The following MTMR1 variants were observed in gnomAD, a reference collection of about 807,000 sequenced individuals.
MTMR1 encodes the protein phosphatidylinositol-3-phosphate phosphatase MTMR1.
Under a neutral mutation model 51.6 loss-of-function variants are expected in MTMR1, and 17 were observed. The ratio of observed to expected loss-of-function variants is 0.33; its 90% CI spans 0.23 to 0.49. MTMR1 has a LOEUF of 0.49. Among genes scored for constraint, MTMR1 ranks in the 20% least tolerant of loss-of-function variants. The probability of loss-of-function intolerance (pLI) is 0.99; values close to 1 mark genes in which losing one functional copy is unlikely to be tolerated. For synonymous variants in MTMR1, 201 were observed against 205.6 expected (o/e 0.98, Z 0.19); for missense variants, 386 against 526.9 (o/e 0.73, Z 2.62).
chrX:150,720,393 T>C (rs2041707261), intron 4 of MTMR1, among the ~76,000 whole-genome samples: 1 of 112,546 alleles, frequency 8.9e-6, no homozygotes, highest in African/African-American at 3.2e-5. Context: ...GAGTATGTTC[T>C]TTTTTTGTCT....
At chrX:150,696,873 A>G (rs943002809) in intron 1 of MTMR1, among the ~76,000 whole-genome samples, 1 of 111,517 alleles carries the variant, frequency 9.0e-6, no homozygotes, top group South Asian at 3.8e-4. Context: ...GTCCTAGGTA[A>G]CTCACCTACA....
At chrX:150,700,938 A>C (rs782450459) in intron 2 of MTMR1, among the ~76,000 whole-genome samples, 2 of 112,585 alleles carry the variant, frequency 1.8e-5, no homozygotes, top group Non-Finnish European at 3.8e-5. Flanking sequence ...AAGTTTTTTC[A>C]ATCTCAGTCT....
chrX:150,742,049 C>A (rs930594693), intron 12 of MTMR1, among the ~76,000 whole-genome samples: 1 of 112,329 alleles, frequency 8.9e-6, no homozygotes, highest in Non-Finnish European at 1.9e-5. Flanking sequence ...GTGGAAGCAA[C>A]CCCAGTGTCC....
At chrX:150,696,640 A>G (rs1447819010) in intron 1 of MTMR1, among the ~76,000 whole-genome samples, 4 of 111,812 alleles carry the variant, frequency 3.6e-5, no homozygotes, top group Non-Finnish European at 7.5e-5. Context: ...TGCTCCAGAC[A>G]GGAGGAGAGA....
At position 150,763,736 on chromosome X, in the gene MTMR1, C is replaced by T. The variant is rs2043211264; in HGVS notation, c.*1007C>T. On this transcript the variant is annotated 3_prime_UTR_variant, in exon 16 of 16. Transcript: ENST00000445323. ...GTGGCTGCCTGTTCATATTTGAAAG[C>T]AGCCACCGTGCTGTGGCTTTGGTTT... 1 of 112,838 alleles carries T rather than the reference C, an allele frequency of 8.9e-6. No homozygotes were observed. The allele number at this position is 112,838 out of a possible 1,213,427, so 9.3% of individuals were successfully genotyped here.
intron 6 of MTMR1, among the ~76,000 whole-genome samples, chrX:150,728,589 CCTT>C (rs2042013812): frequency 2.7e-5 from 3 of 111,378 alleles, no homozygotes; most frequent in Admixed American, 9.5e-5. Context: ...TATTTTGTAC[CCTT>C]CTTCTAATAA....
chrX:150,753,538 T>C (rs1048384868), intron 14 of MTMR1, among the ~76,000 whole-genome samples: 2 of 112,499 alleles, frequency 1.8e-5, no homozygotes, highest in Admixed American at 1.9e-4. Flanking sequence ...TATGTTGTGG[T>C]TTTAGATTTG....
At position 150,737,233 on chromosome X, in the gene MTMR1, T is replaced by C; in HGVS notation, c.1267-9T>C. The C allele has an allele frequency of 8.3e-7, 1 of 1,208,316 alleles. No individual in the cohort carries two copies. The highest frequency in any genetic ancestry group is 3.0e-5 in the East Asian group (1 of 33,836). ...GTAGCCTGGTCTAATGTGCCTTTTT[T>C]TTCTGAAGATGCTGCTTGCTGGGGC... On this transcript the variant is annotated splice_polypyrimidine_tract_variant and intron_variant, in intron 11 of 15. Transcript: ENST00000445323.
rs1557418082 is a variant in MTMR1 at position 150,762,623 on chromosome X, G to A, written c.1916G>A (p.Arg639His). Reference sequence around the variant, plus strand: ...GCCGTCAGGGCGGAGCTGCAGAAGCGTGTGGAGGGCCTACAGCGGGAGGTG... The same window carrying A: ...GCCGTCAGGGCGGAGCTGCAGAAGCATGTGGAGGGCCTACAGCGGGAGGTG... ...LLAVRAELQK[R>H]VEGLQREVAT... The change falls in exon 16 of 16, where the codon CGT becomes CAT. Residue 639 changes from arginine to histidine, a missense_variant. Transcript: ENST00000445323. 30 of 1,210,212 alleles carry A rather than the reference G, an allele frequency of 2.5e-5. No individual in the cohort carries two copies. The highest frequency in any genetic ancestry group is 2.3e-4 in the Middle Eastern group (1 of 4,270).
intron 3 of MTMR1, chrX:150,712,827 A>C: frequency 2.8e-6 from 1 of 358,248 alleles, no homozygotes; most frequent in Non-Finnish European, 4.0e-6. Context: ...AAAAAGCAGA[A>C]GTGCTAATCT....
rs782019307 is a variant in MTMR1 at position 150,711,894 on chromosome X, G to C, written c.253-448G>C. ...GCTGTGCTTGCTCTGGGTCCAAGGT[G>C]GGGATTTCTGTGGTTTTTTGGTTTT... On this transcript the variant is annotated intron_variant, in intron 2 of 15. Coordinates refer to ENST00000445323, the MANE Select transcript of MTMR1 (RefSeq NM_001306144.3). Among the ~76,000 whole-genome samples the C allele has an allele frequency of 3.5e-4, 39 of 111,730 alleles. No individual in the cohort carries two copies. In the East Asian group the frequency reaches 9.8e-3, roughly 28 times the overall value.
chrX:150,759,937 C>G (rs1354203321), intron 15 of MTMR1, among the ~76,000 whole-genome samples: 1 of 109,469 alleles, frequency 9.1e-6, no homozygotes, highest in African/African-American at 3.3e-5. Flanking sequence ...ATGCCCCCGA[C>G]AGGGCCAGAT....
At position 150,732,577 on chromosome X, in the gene MTMR1, G is replaced by C; in HGVS notation, c.927G>C (p.Thr309=). The change falls in exon 10 of 16, where the codon ACG becomes ACC. Residue 309 remains threonine (T), a synonymous_variant. Transcript: ENST00000445323. ...LSWIHPESQA[T]ITRCSQPLVG... is the part of the protein sequence containing the mutation. ...GGATTCATCCGGAAAGTCAAGCAAC[G>C]ATTACCCGTTGCAGCCAGCCACTTG... The C allele has an allele frequency of 8.3e-7, 1 of 1,210,225 alleles. No homozygotes were observed. Among genetic ancestry groups the C allele is most frequent in the African/African-American group, 1.7e-5 (1 of 57,799 alleles).
intron 15 of MTMR1, among the ~76,000 whole-genome samples, chrX:150,757,968 C>T (rs1411433741): frequency 9.0e-6 from 1 of 111,319 alleles, no homozygotes; most frequent in African/African-American, 3.3e-5. Context: ...GCCTGTTTGC[C>T]TGCCTGCTGC....
At chrX:150,746,006 C>G (rs1400251362) in intron 13 of MTMR1, among the ~76,000 whole-genome samples, 2 of 112,264 alleles carry the variant, frequency 1.8e-5, no homozygotes, top group Non-Finnish European at 3.8e-5. Flanking sequence ...CCCTGGGACT[C>G]TTATTGAAAT....
chrX:150,706,316 C>A (rs1162199378), intron 2 of MTMR1, among the ~76,000 whole-genome samples: 1 of 111,987 alleles, frequency 8.9e-6, no homozygotes, highest in African/African-American at 3.2e-5. Flanking sequence ...CATGTTCAAA[C>A]CCCTACAGTG....
intron 15 of MTMR1, among the ~76,000 whole-genome samples, chrX:150,761,090 A>G (rs1005536047): frequency 1.6e-4 from 18 of 111,212 alleles, no homozygotes; most frequent in Non-Finnish European, 1.9e-5. Flanking sequence ...CTGAGGTCAC[A>G]TGCCTGTAGA....
chrX:150,762,734 C>G lies in MTMR1; in HGVS notation c.*5C>G. Reference sequence around the variant, plus strand: ...TCCGTCCACACCTCGGTCTGATGGGCGAGGTCAGCCTGCTGCTCCACTGTC... The same window carrying G: ...TCCGTCCACACCTCGGTCTGATGGGGGAGGTCAGCCTGCTGCTCCACTGTC... On this transcript the variant is annotated 3_prime_UTR_variant, in exon 16 of 16. Coordinates refer to ENST00000445323, the MANE Select transcript of MTMR1 (RefSeq NM_001306144.3). 4 of 1,158,548 alleles carry G rather than the reference C, an allele frequency of 3.5e-6. No individual in the cohort carries two copies. The highest frequency in any genetic ancestry group is 4.6e-6 in the Non-Finnish European group (4 of 867,497).
chrX:150,717,357 C>CAAAAAA (rs35558897), intron 3 of MTMR1, among the ~76,000 whole-genome samples: 2 of 42,741 alleles, frequency 4.7e-5, no homozygotes, highest in East Asian at 1.6e-3. Flanking sequence ...GACTCCATCT[C>CAAAAAA]AAAAAAAAAA....
Sources: gnomAD v4.1 joint callset for allele counts (sites outside exome capture counted in the v4.1 genomes callset) on GRCh38, gnomAD v4.1.1 for gene constraint, MANE v1.5 for transcripts, NCBI Gene and HGNC (gene_info 2026-07-23, HGNC 2026-07-21) for gene names.